Variants in ARL15 observed in about 807,000 individuals in gnomAD.
ARL15 encodes the protein ARF like GTPase 15, also known as ADP-ribosylation factor-like protein 15.
In ARL15, 19 loss-of-function variants were observed where a neutral mutation model predicts 25.2. The observed-to-expected ratio is 0.75, with a 90% CI of 0.53 to 1.10. The LOEUF (loss-of-function observed/expected upper bound fraction) is 1.10, where lower values mean the gene tolerates loss of function less well. Among genes scored for constraint, ARL15 ranks in the 50% least tolerant of loss-of-function variants. The pLI, the probability that ARL15 is intolerant of heterozygous loss-of-function variation, is 0.00. For missense variants in ARL15, 220 were observed against 246.0 expected, an observed-to-expected ratio of 0.89 and a Z score of 0.71; for synonymous variants, 94 against 86.8, an observed-to-expected ratio of 1.08 and a Z score of -0.46.
chr5:53,987,223 A>C (rs1007502287), intron 4 of ARL15, among the ~76,000 whole-genome samples: 1 of 152,150 alleles, frequency 6.6e-6, no homozygotes, highest in East Asian at 1.9e-4. Context: ...AATGAAGTAT[A>C]CTAGAGATTT....
At chr5:54,277,077 T>C (rs1373063275) in intron 1 of ARL15, among the ~76,000 whole-genome samples, 1 of 152,210 alleles carries the variant, frequency 6.6e-6, no homozygotes, top group Non-Finnish European at 1.5e-5. Flanking sequence ...GCACTGTATA[T>C]TGTAATAACC....
At chr5:54,302,583 G>C (rs1758641076) in intron 1 of ARL15, among the ~76,000 whole-genome samples, 2 of 151,178 alleles carry the variant, frequency 1.3e-5, no homozygotes, top group African/African-American at 2.4e-5. Flanking sequence ...TACAGACTCA[G>C]ATGCCAGCCA....
chr5:54,200,094 T>A (rs1380287504), intron 1 of ARL15, among the ~76,000 whole-genome samples: 3 of 133,544 alleles, frequency 2.2e-5, no homozygotes, highest in African/African-American at 5.7e-5. Flanking sequence ...AATTGAACAA[T>A]GAGAACACAT....
chr5:54,129,320 T>A (rs367784212), intron 3 of ARL15, among the ~76,000 whole-genome samples: 1 of 151,912 alleles, frequency 6.6e-6, no homozygotes, highest in African/African-American at 2.4e-5. Flanking sequence ...GTCCCTCAGG[T>A]CCACACAGAA....
At chr5:54,257,387 G>T (rs538066248) in intron 1 of ARL15, among the ~76,000 whole-genome samples, 3 of 152,148 alleles carry the variant, frequency 2.0e-5, no homozygotes, top group Admixed American at 1.3e-4. Flanking sequence ...CTCAGCAGAA[G>T]GATCAAAGCC....
chr5:54,141,652 C>T (rs952025211), intron 3 of ARL15, among the ~76,000 whole-genome samples: 1 of 152,054 alleles, frequency 6.6e-6, no homozygotes, highest in Non-Finnish European at 1.5e-5. Context: ...TAAGTATATC[C>T]AGCACCTCAA....
At chr5:53,886,789 A>C in intron 4 of ARL15, 76 bp from the exon 5 acceptor site, 1 of 1,366,774 alleles carries the variant, frequency 7.3e-7, no homozygotes, top group Non-Finnish European at 9.8e-7. Context: ...TCTGAGGGAT[A>C]AAGTAGGGGA....
intron 3 of ARL15, among the ~76,000 whole-genome samples, chr5:54,142,952 A>T (rs1339361794): frequency 6.6e-6 from 1 of 152,100 alleles, no homozygotes; most frequent in Non-Finnish European, 1.5e-5. Flanking sequence ...AGTACTTTTA[A>T]ATTTTGTTGG....
chr5:54,218,743 A>G (rs1324708000), intron 1 of ARL15, among the ~76,000 whole-genome samples: 1 of 152,166 alleles, frequency 6.6e-6, no homozygotes, highest in African/African-American at 2.4e-5. Flanking sequence ...CACACCTTCT[A>G]TAATGCTCAA....
intron 1 of ARL15, among the ~76,000 whole-genome samples, chr5:54,177,456 A>C (rs1754910771): frequency 6.6e-6 from 1 of 152,202 alleles, no homozygotes; most frequent in African/African-American, 2.4e-5. Flanking sequence ...GCAAAAGATA[A>C]AATTACTAGA....
chr5:54,053,296 T>C (rs992572429), intron 4 of ARL15, among the ~76,000 whole-genome samples: 6 of 152,142 alleles, frequency 3.9e-5, no homozygotes, highest in Non-Finnish European at 7.4e-5. Flanking sequence ...CATGAGTCTC[T>C]ACTGACATAA....
At chr5:53,915,652 C>G (rs1056787245) in intron 4 of ARL15, among the ~76,000 whole-genome samples, 1 of 152,138 alleles carries the variant, frequency 6.6e-6, no homozygotes, top group African/African-American at 2.4e-5. Flanking sequence ...ATTTCTATTC[C>G]AGCTGCTACA....
chr5:53,908,725 C>T (rs1332753871), intron 4 of ARL15, among the ~76,000 whole-genome samples: 1 of 152,078 alleles, frequency 6.6e-6, no homozygotes, highest in East Asian at 1.9e-4. Context: ...TCATGCTGTT[C>T]CTGGGATTCC....
intron 4 of ARL15, among the ~76,000 whole-genome samples, chr5:54,047,546 C>T (rs552581115): frequency 7.7e-4 from 118 of 152,308 alleles, no homozygotes; most frequent in Admixed American, 3.6e-3. Flanking sequence ...GCTAGGGCAT[C>T]GCTGTGGCCC....
At chr5:53,996,618 TAAAAAAAAA>T (rs529752025) in intron 4 of ARL15, among the ~76,000 whole-genome samples, 1 of 98,886 alleles carries the variant, frequency 1.0e-5, no homozygotes, top group Admixed American at 1.1e-4. Context: ...GACTGTCTCA[TAAAAAAAAA>T]AAAAAAAAAA....
intron 1 of ARL15, among the ~76,000 whole-genome samples, chr5:54,297,355 G>A (rs528511497): frequency 6.6e-6 from 1 of 152,358 alleles, no homozygotes; most frequent in Admixed American, 6.5e-5. Flanking sequence ...AGAAGCTAAT[G>A]AAGATGGCCC....
chr5:53,972,746 A>C (rs1229263406), intron 4 of ARL15, among the ~76,000 whole-genome samples: 1 of 152,154 alleles, frequency 6.6e-6, no homozygotes, highest in Non-Finnish European at 1.5e-5. Flanking sequence ...TAAAATATGA[A>C]CCTGTTTAAA....
At chr5:53,918,782 A>G (rs1296043061) in intron 4 of ARL15, among the ~76,000 whole-genome samples, 1 of 152,172 alleles carries the variant, frequency 6.6e-6, no homozygotes, top group South Asian at 2.1e-4. Context: ...CTGGAAGCAA[A>G]AGAGAGGAGA....
chr5:54,235,080 T>C (rs968489613), intron 1 of ARL15, among the ~76,000 whole-genome samples: 10 of 152,174 alleles, frequency 6.6e-5, no homozygotes, highest in Non-Finnish European at 1.5e-4. Flanking sequence ...TTTAAATACA[T>C]AGAAGCATTA....
Sources: gnomAD v4.1 joint callset for allele counts (sites outside exome capture counted in the v4.1 genomes callset) on GRCh38, gnomAD v4.1.1 for gene constraint, MANE v1.5 for transcripts, NCBI Gene and HGNC (gene_info 2026-07-23, HGNC 2026-07-21) for gene names.